The following NEK1 variants were observed in gnomAD, a reference collection of about 807,000 sequenced individuals.
NEK1 encodes NIMA related kinase 1, also known as serine/threonine-protein kinase Nek1.
In NEK1, 137 loss-of-function variants were observed where a neutral mutation model predicts 182.1. The ratio of observed to expected loss-of-function variants is 0.75; its 90% confidence interval spans 0.65 to 0.87. The LOEUF (loss-of-function observed/expected upper bound fraction) is 0.87. Among genes scored for constraint, NEK1 ranks in the 40% least tolerant of loss-of-function variants. The pLI, the probability that NEK1 is intolerant of heterozygous loss-of-function variation, is 0.00. For missense variants in NEK1, 1,391 were observed against 1,494.4 expected (o/e 0.93, Z 1.14); for synonymous variants, 513 against 492.2 (o/e 1.04, Z -0.56).
intron 29 of NEK1, among the ~76,000 whole-genome samples, chr4:169,430,187 TTTTTG>T (rs536306913): frequency 6.2e-4 from 95 of 152,204 alleles, no homozygotes; most frequent in African/African-American, 2.2e-3. Context: ...TTTGTTTTTG[TTTTTG>T]TTTTATTTTT....
rs1211261692 is a variant in NEK1 at position 169,561,829 on chromosome 4, T to G, written c.1140+3A>C. 3 of 1,609,926 alleles carry G rather than the reference T, an allele frequency of 1.9e-6. No individual in the cohort carries two copies. The highest frequency in any genetic ancestry group is 2.5e-6 in the Non-Finnish European group (3 of 1,178,364). On this transcript the variant is annotated splice_donor_region_variant and intron_variant, in intron 14 of 35. Coordinates refer to ENST00000507142, the MANE Select transcript of NEK1 (RefSeq NM_001199397.3). ...AGGTAGAAAAACAAGAGCAAAAAAC[T>G]ACCTGATCCTTTTGTTTCTTTTCTT... is the stretch of plus-strand genomic sequence containing the variant.
At chr4:169,408,867 G>A (rs1040033687) in intron 31 of NEK1, among the ~76,000 whole-genome samples, 3 of 152,064 alleles carry the variant, frequency 2.0e-5, no homozygotes, top group African/African-American at 7.2e-5. Context: ...TTATTCACTC[G>A]TTGGTTGATG....
At chr4:169,590,610 G>C in intron 6 of NEK1, 116 bp downstream of exon 6, 1 of 608,594 alleles carries the variant, frequency 1.6e-6, no homozygotes, top group Non-Finnish European at 2.9e-6. Context: ...TAAAAAGGAA[G>C]AGACAAGACA....
At chr4:169,553,338 A>C (rs920361797) in intron 18 of NEK1, among the ~76,000 whole-genome samples, 1 of 152,244 alleles carries the variant, frequency 6.6e-6, no homozygotes, top group Non-Finnish European at 1.5e-5. Flanking sequence ...CACAGACCTT[A>C]TATCCTTCAC....
intron 27 of NEK1, among the ~76,000 whole-genome samples, chr4:169,456,627 T>C (rs932908617): frequency 2.0e-5 from 3 of 152,194 alleles, no homozygotes; most frequent in African/African-American, 7.2e-5. Context: ...TGGATAAATT[T>C]CTAGACATAT....
intron 18 of NEK1, among the ~76,000 whole-genome samples, chr4:169,540,319 T>C (rs570636548): frequency 6.6e-6 from 1 of 152,250 alleles, no homozygotes; most frequent in East Asian, 1.9e-4. Context: ...GTAATACATA[T>C]ATTAATAGAA....
intron 5 of NEK1, among the ~76,000 whole-genome samples, chr4:169,593,852 G>A (rs1768967782): frequency 6.6e-6 from 1 of 152,160 alleles, no homozygotes; most frequent in Admixed American, 6.5e-5. Context: ...AGCCAGGCGT[G>A]ATGGCGGGCG....
At chr4:169,524,743 G>A (rs1019404681) in intron 19 of NEK1, among the ~76,000 whole-genome samples, 31 of 152,158 alleles carry the variant, frequency 2.0e-4, no homozygotes, top group African/African-American at 7.5e-4. Flanking sequence ...TGGTCCAAAA[G>A]CTAAGAATGG....
chr4:169,513,195 T>C (rs1754476640), intron 19 of NEK1, among the ~76,000 whole-genome samples: 1 of 152,204 alleles, frequency 6.6e-6, no homozygotes, highest in African/African-American at 2.4e-5. Flanking sequence ...CCATTTTTAC[T>C]GTTGTGAGTC....
chr4:169,511,519 A>T (rs547359192), intron 19 of NEK1, among the ~76,000 whole-genome samples: 3 of 152,244 alleles, frequency 2.0e-5, no homozygotes, highest in African/African-American at 7.2e-5. Context: ...GAAATATTAT[A>T]GATATACAGA....
intron 26 of NEK1, among the ~76,000 whole-genome samples, chr4:169,475,721 A>G (rs1284562374): frequency 1.3e-5 from 2 of 152,288 alleles, no homozygotes; most frequent in Middle Eastern, 3.4e-3. Flanking sequence ...ACTGTATTCC[A>G]TATGATCAAA....
At chr4:169,454,385 T>C (rs1316285394) in intron 27 of NEK1, among the ~76,000 whole-genome samples, 7 of 152,082 alleles carry the variant, frequency 4.6e-5, no homozygotes. Flanking sequence ...ACCATCATAG[T>C]CAACAGTCAA....
intron 18 of NEK1, among the ~76,000 whole-genome samples, chr4:169,550,977 G>C (rs1445375350): frequency 6.6e-6 from 1 of 152,082 alleles, no homozygotes; most frequent in Non-Finnish European, 1.5e-5. Context: ...TTAGCAAGTA[G>C]GTAAATTCGC....
At chr4:169,601,421 C>T (rs1292293646) in intron 4 of NEK1, among the ~76,000 whole-genome samples, 1 of 152,044 alleles carries the variant, frequency 6.6e-6, no homozygotes, top group Non-Finnish European at 1.5e-5. Context: ...ATCTTAATAC[C>T]TGCATTATTA....
intron 12 of NEK1, among the ~76,000 whole-genome samples, chr4:169,568,166 C>T (rs564752840): frequency 6.6e-6 from 1 of 152,274 alleles, no homozygotes; most frequent in South Asian, 2.1e-4. Context: ...TCTACAAGTC[C>T]ACTCGAGCGT....
chr4:169,401,136 T>C (rs1731608762), intron 33 of NEK1, among the ~76,000 whole-genome samples: 1 of 152,188 alleles, frequency 6.6e-6, no homozygotes, highest in Non-Finnish European at 1.5e-5. Context: ...CGACATACTT[T>C]GAAAAAAATT....
At chr4:169,454,677 C>T (rs1023832260) in intron 27 of NEK1, among the ~76,000 whole-genome samples, 4 of 152,160 alleles carry the variant, frequency 2.6e-5, no homozygotes, top group Admixed American at 2.6e-4. Flanking sequence ...AGTGAAGAAA[C>T]AACAGGTGCT....
intron 27 of NEK1, among the ~76,000 whole-genome samples, chr4:169,452,892 C>T (rs568409006): frequency 1.4e-5 from 2 of 139,824 alleles, no homozygotes; most frequent in Non-Finnish European, 3.0e-5. Context: ...TTGCAGATGA[C>T]ATGATTGTAT....
chr4:169,598,750 T>A (rs1248943049), intron 5 of NEK1, among the ~76,000 whole-genome samples: 1 of 152,020 alleles, frequency 6.6e-6, no homozygotes, highest in Non-Finnish European at 1.5e-5. Context: ...AGAGCTGGAG[T>A]TACCTGGCAA....
Sources: allele counts gnomAD v4.1 joint callset (sites outside exome capture counted in the v4.1 genomes callset), GRCh38; gene constraint gnomAD v4.1.1; transcripts MANE v1.5; gene names NCBI Gene and HGNC (gene_info 2026-07-23, HGNC 2026-07-21).